Variants in PROK2 observed in about 807,000 individuals in gnomAD.
PROK2 encodes the protein prokineticin-2.
PROK2 carries 8 observed loss-of-function variants against 14.2 expected under a neutral mutation model. The observed-to-expected ratio is 0.56, with a 90% CI of 0.33 to 1.02. The LOEUF (loss-of-function observed/expected upper bound fraction) is 1.02, where lower values mean the gene tolerates loss of function less well. PROK2 is among the 50% of genes least tolerant of loss of function. The pLI, the probability that PROK2 is intolerant of heterozygous loss-of-function variation, is 0.03. For missense variants in PROK2, 154 were observed against 160.4 expected, an observed-to-expected ratio of 0.96 and a Z score of 0.22; for synonymous variants, 59 against 60.7, an observed-to-expected ratio of 0.97 and a Z score of 0.13.
intron 1 of PROK2, among the ~76,000 whole-genome samples, chr3:71,782,097 A>C (rs1479203731): frequency 6.6e-6 from 1 of 152,250 alleles, no homozygotes; most frequent in Non-Finnish European, 1.5e-5. Flanking sequence ...TGTAAATTTC[A>C]GAAGTGCTCA....
intron 2 of PROK2, among the ~76,000 whole-genome samples, chr3:71,776,675 G>A (rs2050122824): frequency 6.6e-6 from 1 of 152,014 alleles, no homozygotes; most frequent in Non-Finnish European, 1.5e-5. Flanking sequence ...ACTGTGCCTG[G>A]CCAAAAACCA....
Position 71,774,429 on chromosome 3 carries a change from T to G in PROK2, c.285+16A>C. ...GGGCATGTCTTTCGGTGGTACCACA[T>G]TCGCATTCTTCTTACCTCCTTTTTC... On this transcript the variant is annotated intron_variant, in intron 3 of 3. Transcript: ENST00000295619. The G allele has an allele frequency of 6.4e-7, 1 of 1,551,546 alleles. No homozygotes were observed. Among genetic ancestry groups the G allele is most frequent in the Non-Finnish European group, 8.7e-7 (1 of 1,146,932 alleles).
chr3:71,774,163 T>A (rs1436552640), intron 3 of PROK2, among the ~76,000 whole-genome samples: 5 of 152,192 alleles, frequency 3.3e-5, no homozygotes, highest in African/African-American at 1.2e-4. Context: ...GTGTATTTCT[T>A]ATTCTGTTCC....
At chr3:71,778,736 T>C (rs1182287875) in intron 2 of PROK2, among the ~76,000 whole-genome samples, 1 of 152,224 alleles carries the variant, frequency 6.6e-6, no homozygotes, top group East Asian at 1.9e-4. Flanking sequence ...CTGAGAGATA[T>C]TCTGGAAGAA....
At chr3:71,774,393 C>T (rs2050102683) in intron 3 of PROK2, 52 bp downstream of exon 3, 3 of 1,551,306 alleles carry the variant, frequency 1.9e-6, no homozygotes, top group South Asian at 2.4e-5. Context: ...AATGTAAAGG[C>T]TAATTCTTCT....
In PROK2 at chr3:71,781,394, C is replaced by A. The variant is rs566970590; in HGVS notation, c.222+73G>T. 20 of 1,563,804 alleles carry A rather than the reference C, an allele frequency of 1.3e-5. No individual in the cohort carries two copies. The East Asian group carries it at 4.5e-4, about 35-fold the overall frequency. On this transcript the variant is annotated intron_variant, in intron 2 of 3. Transcript: ENST00000295619. ...TGTTTGTCGAGCACGTTACCCAGTC[C>A]TTCATGTCATACAGACCCTGCTCAG...
At chr3:71,775,918 G>T (rs1357230439) in intron 2 of PROK2, among the ~76,000 whole-genome samples, 1 of 152,124 alleles carries the variant, frequency 6.6e-6, no homozygotes, top group African/African-American at 2.4e-5. Flanking sequence ...AAGGGCAGAA[G>T]ATGACCAACT....
At chr3:71,780,482 G>A (rs2050152614) in intron 2 of PROK2, among the ~76,000 whole-genome samples, 2 of 152,220 alleles carry the variant, frequency 1.3e-5, no homozygotes, top group Admixed American at 1.3e-4. Context: ...CATTCTACTT[G>A]TATCTAAAAG....
At chr3:71,773,435 G>C in intron 3 of PROK2, among the ~76,000 whole-genome samples, 1 of 152,158 alleles carries the variant, frequency 6.6e-6, no homozygotes, top group East Asian at 1.9e-4. Context: ...TTGAAGCTTG[G>C]CTAGCAGTGA....
At chr3:71,775,328 C>T (rs1012991678) in intron 2 of PROK2, among the ~76,000 whole-genome samples, 1 of 152,158 alleles carries the variant, frequency 6.6e-6, no homozygotes, top group Non-Finnish European at 1.5e-5. Context: ...TCTTAAGTGC[C>T]GAGCATACAA....
At chr3:71,779,523 C>A (rs2050145377) in intron 2 of PROK2, among the ~76,000 whole-genome samples, 1 of 152,244 alleles carries the variant, frequency 6.6e-6, no homozygotes. Flanking sequence ...GGATATGTCA[C>A]TTTTCCCTTG....
At position 71,771,851 on chromosome 3, in the gene PROK2, T is replaced by C. The variant is rs920506141; in HGVS notation, c.*873A>G. 2 of 152,634 alleles carry C rather than the reference T, an allele frequency of 1.3e-5. No individual in the cohort carries two copies. Among genetic ancestry groups the C allele is most frequent in the Admixed American group, 6.5e-5 (1 of 15,284 alleles). The allele number at this position is 152,634 out of a possible 1,614,324, so 9.5% of individuals were successfully genotyped here. A position where few individuals can be genotyped will look rare whatever the true frequency, so the allele number is the denominator to read the frequency against. ...AAATGGTAATTAGTGTTGTGCCAGATTAAAATAAATACTTCCTCTTCAAGT... is the reference window on the plus strand; with the variant it reads ...AAATGGTAATTAGTGTTGTGCCAGACTAAAATAAATACTTCCTCTTCAAGT... On this transcript the variant is annotated 3_prime_UTR_variant, in exon 4 of 4. Transcript: ENST00000295619.
chr3:71,775,295 T>C (rs2050109601), intron 2 of PROK2, among the ~76,000 whole-genome samples: 1 of 152,162 alleles, frequency 6.6e-6, no homozygotes, highest in Admixed American at 6.5e-5. Context: ...AGATACTGAG[T>C]GCTACCTACA....
chr3:71,781,324 G>A (rs529130442), intron 2 of PROK2, 143 bp downstream of exon 2: 1 of 969,190 alleles, frequency 1.0e-6, no homozygotes, highest in South Asian at 1.4e-5. Context: ...AGAGGAGAGG[G>A]GGTAGTTTTA....
intron 1 of PROK2, 84 bp from the exon 2 acceptor site, chr3:71,781,676 C>G: frequency 1.4e-6 from 2 of 1,397,142 alleles, no homozygotes; most frequent in Non-Finnish European, 2.0e-6. Context: ...GTGAAATGCC[C>G]TTTAAATATC....
intron 3 of PROK2, among the ~76,000 whole-genome samples, chr3:71,773,768 G>T (rs1157873079): frequency 6.6e-6 from 1 of 152,232 alleles, no homozygotes. Context: ...TCATTCGAGA[G>T]TCACTCTAAG....
intron 2 of PROK2, among the ~76,000 whole-genome samples, chr3:71,780,914 C>T (rs2050155454): frequency 6.6e-6 from 1 of 152,134 alleles, no homozygotes; most frequent in African/African-American, 2.4e-5. Context: ...ATTGAGCTGA[C>T]AGATAATAAA....
intron 3 of PROK2, among the ~76,000 whole-genome samples, 171 bp downstream of exon 3, chr3:71,774,274 T>C (rs1052451326): frequency 6.6e-6 from 1 of 152,210 alleles, no homozygotes; most frequent in African/African-American, 2.4e-5. Context: ...ATATATCATA[T>C]AGATATCAAT....
intron 2 of PROK2, among the ~76,000 whole-genome samples, chr3:71,780,924 A>G (rs146398042): frequency 3.5e-4 from 54 of 152,384 alleles, no homozygotes; most frequent in African/African-American, 1.2e-3. Context: ...CAGATAATAA[A>G]GCAAATTGGA....
Sources: gnomAD v4.1 joint callset for allele counts (sites outside exome capture counted in the v4.1 genomes callset) on GRCh38, gnomAD v4.1.1 for gene constraint, MANE v1.5 for transcripts, NCBI Gene and HGNC (gene_info 2026-07-23, HGNC 2026-07-21) for gene names.